SLC25A12: variants seen among roughly 807,000 people sequenced by gnomAD.
SLC25A12 encodes solute carrier family 25 member 12.
In SLC25A12, 32 loss-of-function variants were observed where a neutral mutation model predicts 83.3. The observed-to-expected ratio is 0.38, with a 90% CI of 0.29 to 0.52. SLC25A12 has a LOEUF of 0.52. Among genes scored for constraint, SLC25A12 ranks in the 20% least tolerant of loss-of-function variants. The probability of loss-of-function intolerance (pLI) is 0.84; values close to 1 mark genes in which losing one functional copy is unlikely to be tolerated. For synonymous variants in SLC25A12, 267 were observed against 291.1 expected, an observed-to-expected ratio of 0.92 and a Z score of 0.84; for missense variants, 611 against 835.6, an observed-to-expected ratio of 0.73 and a Z score of 3.31.
chr2:171,814,204 C>T (rs1040444252), intron 10 of SLC25A12, among the ~76,000 whole-genome samples: 2 of 151,918 alleles, frequency 1.3e-5, no homozygotes, highest in African/African-American at 2.4e-5. Context: ...CTTAAAAAAT[C>T]GTAAGCATTT....
rs1379369040 is a variant in SLC25A12 at position 171,810,416 on chromosome 2, T to C, written c.1172-140A>G. 29 of 751,254 alleles carry C rather than the reference T, an allele frequency of 3.9e-5. No individual in the cohort carries two copies. In the Admixed American group the frequency reaches 4.5e-4, roughly 12 times the overall value. The allele number at this position is 751,254 out of a possible 1,614,324, so 46.5% of individuals were successfully genotyped here. Reference sequence around the variant, plus strand: ...ATTAAAATGGGAAAAAGATTATCCTTAAAACTCTGTATACATATGTAATAA... The same window carrying C: ...ATTAAAATGGGAAAAAGATTATCCTCAAAACTCTGTATACATATGTAATAA... On this transcript the variant is annotated intron_variant, in intron 11 of 17. Transcript: ENST00000422440.
intron 15 of SLC25A12, among the ~76,000 whole-genome samples, chr2:171,790,041 G>A (rs1202171088): frequency 6.6e-6 from 1 of 152,102 alleles, no homozygotes; most frequent in Admixed American, 6.6e-5. Context: ...GGACTTGCTG[G>A]GCCCCAAATA....
chr2:171,888,249 C>T (rs893728172), intron 2 of SLC25A12, among the ~76,000 whole-genome samples: 8 of 151,486 alleles, frequency 5.3e-5, no homozygotes, highest in African/African-American at 1.5e-4. Context: ...CATGTACCAC[C>T]GCACCCAGCT....
At position 171,835,031 on chromosome 2, in the gene SLC25A12, G is replaced by C. The variant is rs3765165; in HGVS notation, c.613-166C>G. ...AAGTATCACACTGAAACAGTGCACT[G>C]CATGCCCTCAGGGAAGTCTATGTAA... On this transcript the variant is annotated intron_variant, in intron 6 of 17. Transcript: ENST00000422440. Among the ~76,000 whole-genome samples the C allele has an allele frequency of 1.2e-4, 19 of 152,322 alleles. No individual in the cohort carries two copies. The East Asian group carries it at 2.9e-3, about 23-fold the overall frequency.
intron 9 of SLC25A12, among the ~76,000 whole-genome samples, chr2:171,826,319 T>C (rs1357703024): frequency 6.6e-6 from 1 of 152,138 alleles, no homozygotes; most frequent in Non-Finnish European, 1.5e-5. Flanking sequence ...CATAAAAATA[T>C]TCTATAGGCT....
At chr2:171,787,105 C>T (rs780788884) in intron 17 of SLC25A12, among the ~76,000 whole-genome samples, 3 of 152,140 alleles carry the variant, frequency 2.0e-5, no homozygotes, top group Non-Finnish European at 4.4e-5. Context: ...TTTGGGAGGC[C>T]AAGGCTGGTG....
At chr2:171,871,663 C>G in intron 2 of SLC25A12, 1 of 948,872 alleles carries the variant, frequency 1.1e-6, no homozygotes, top group Non-Finnish European at 1.3e-6. Context: ...TTTCCCTGTC[C>G]CAAGTTAGTT....
intron 13 of SLC25A12, among the ~76,000 whole-genome samples, chr2:171,806,502 TACA>T (rs1052419001): frequency 3.3e-5 from 5 of 151,946 alleles, no homozygotes; most frequent in East Asian, 1.9e-4. Flanking sequence ...AAACAAAACA[TACA>T]ACAACAACAA....
chr2:171,821,096 C>T (rs1684182453), intron 9 of SLC25A12, among the ~76,000 whole-genome samples: 1 of 129,154 alleles, frequency 7.7e-6, no homozygotes, highest in African/African-American at 3.0e-5. Flanking sequence ...GTGGCGCATT[C>T]CTGGCTCACT....
At chr2:171,861,611 T>C (rs1685161423) in intron 3 of SLC25A12, among the ~76,000 whole-genome samples, 1 of 152,172 alleles carries the variant, frequency 6.6e-6, no homozygotes, top group Non-Finnish European at 1.5e-5. Flanking sequence ...TTTTGCTATG[T>C]TACCCCGGTT....
At chr2:171,849,601 C>A (rs1170291015) in intron 4 of SLC25A12, among the ~76,000 whole-genome samples, 1 of 137,462 alleles carries the variant, frequency 7.3e-6, no homozygotes, top group African/African-American at 2.8e-5. Flanking sequence ...TGCTCTGTTG[C>A]CCAGGCTGGA....
In SLC25A12 at chr2:171,840,258, GC is replaced by G. The variant is rs776179901; in HGVS notation, c.466-2992del. 3.9e-5 allele frequency among the ~76,000 whole-genome samples: 6 copies of G among 151,978 alleles called. No individual in the cohort carries two copies. The South Asian group carries it at 1.2e-3, about 32-fold the overall frequency. On this transcript the variant is annotated intron_variant, in intron 5 of 17. Transcript: ENST00000422440. ...AAATTAGGCAGGCATGGTGGCACAC[GC>G]CTGTAGTACCAGCTATTCAGGAGGC...
At chr2:171,808,407 G>T (rs181760435) in intron 13 of SLC25A12, among the ~76,000 whole-genome samples, 1 of 140,014 alleles carries the variant, frequency 7.1e-6, no homozygotes, top group Non-Finnish European at 1.6e-5. Flanking sequence ...GTCAATAGCT[G>T]AAATGTAGTT....
chr2:171,843,575 T>G (rs949594239), intron 5 of SLC25A12, among the ~76,000 whole-genome samples: 2 of 152,006 alleles, frequency 1.3e-5, no homozygotes, highest in Non-Finnish European at 2.9e-5. Context: ...GAGGTTACAG[T>G]GAGCCAGGAT....
chr2:171,817,698 T>C (rs563868821), intron 9 of SLC25A12, among the ~76,000 whole-genome samples: 3 of 151,518 alleles, frequency 2.0e-5, no homozygotes, highest in East Asian at 1.9e-4. Context: ...TTCATTCTCA[T>C]AGATTATGAA....
intron 2 of SLC25A12, among the ~76,000 whole-genome samples, chr2:171,869,297 A>G (rs1042391552): frequency 6.6e-6 from 1 of 152,230 alleles, no homozygotes; most frequent in Non-Finnish European, 1.5e-5. Context: ...TTTAAAAAAC[A>G]CTGAATTGTA....
At chr2:171,836,945 T>TGCAC (rs982119123) in intron 6 of SLC25A12, among the ~76,000 whole-genome samples, 176 bp downstream of exon 6, 1 of 146,554 alleles carries the variant, frequency 6.8e-6, no homozygotes, top group Non-Finnish European at 1.5e-5. Context: ...TACATTCACG[T>TGCAC]ACACACACAC....
intron 9 of SLC25A12, among the ~76,000 whole-genome samples, chr2:171,822,096 A>C (rs1258754626): frequency 6.6e-6 from 1 of 152,186 alleles, no homozygotes; most frequent in Non-Finnish European, 1.5e-5. Context: ...AATATAAAAC[A>C]TTTCAGGCAC....
At chr2:171,853,354 G>C (rs1684973336) in intron 4 of SLC25A12, among the ~76,000 whole-genome samples, 1 of 152,198 alleles carries the variant, frequency 6.6e-6, no homozygotes, top group South Asian at 2.1e-4. Flanking sequence ...ATAAATCATA[G>C]TTTGAAAGAA....
Sources: gnomAD v4.1 joint callset for allele counts (sites outside exome capture counted in the v4.1 genomes callset) on GRCh38, gnomAD v4.1.1 for gene constraint, MANE v1.5 for transcripts, NCBI Gene and HGNC (gene_info 2026-07-23, HGNC 2026-07-21) for gene names.